EBF1: variants seen among roughly 807,000 people sequenced by gnomAD.
The protein encoded by EBF1 is EBF transcription factor 1, also known as transcription factor COE1.
A neutral mutation model predicts 68.4 loss-of-function variants in EBF1; 10 were observed. The ratio of observed to expected loss-of-function variants is 0.15; its 90% confidence interval spans 0.09 to 0.25. EBF1 has a LOEUF of 0.25. EBF1 is among the 10% of genes least tolerant of loss of function. The pLI is 1.00. For synonymous variants in EBF1, 298 were observed against 299.8 expected (o/e 0.99, Z 0.06); for missense variants, 509 against 794.4 (o/e 0.64, Z 4.32).
intron 6 of EBF1, among the ~76,000 whole-genome samples, chr5:158,918,608 A>C (rs547982976): frequency 7.9e-5 from 12 of 152,252 alleles, no homozygotes; most frequent in Non-Finnish European, 1.3e-4. Context: ...CACTGTGTGT[A>C]TAGTTAAGCC....
chr5:159,035,091 T>C (rs1295675967), intron 6 of EBF1, among the ~76,000 whole-genome samples: 3 of 151,960 alleles, frequency 2.0e-5, no homozygotes, highest in Non-Finnish European at 2.9e-5. Flanking sequence ...TATTGACTGA[T>C]TGAAGCCATC....
intron 6 of EBF1, among the ~76,000 whole-genome samples, chr5:158,869,008 T>G (rs1473678940): frequency 6.6e-6 from 1 of 152,182 alleles, no homozygotes; most frequent in Non-Finnish European, 1.5e-5. Context: ...ACTTTTCCTT[T>G]GGAATCATGA....
At chr5:158,876,792 C>T (rs1797895118) in intron 6 of EBF1, among the ~76,000 whole-genome samples, 2 of 152,164 alleles carry the variant, frequency 1.3e-5, no homozygotes, top group Admixed American at 6.5e-5. Flanking sequence ...TGATAGCCCC[C>T]TTTCGATTGT....
chr5:158,989,559 G>A (rs764309639), intron 6 of EBF1, among the ~76,000 whole-genome samples: 10 of 152,162 alleles, frequency 6.6e-5, no homozygotes, highest in South Asian at 2.1e-4. Context: ...GAAACCTGGC[G>A]GGGACACAGC....
In EBF1 at chr5:158,823,237, C is replaced by T; in HGVS notation, c.717G>A (p.Lys239=). The T allele has an allele frequency of 1.9e-6, 3 of 1,613,956 alleles. No homozygotes were observed. The East Asian group carries it at 6.7e-5, about 36-fold the overall frequency. Residue 239 remains lysine, a synonymous_variant, in exon 8 of 16, where the codon AAG becomes AAA. Transcript: ENST00000313708. ...SDNMFVHNNS[K]HGRRARRLDP... is the part of the protein sequence containing the mutation. ...CAAGCCTCCGAGCCCTCCGCCCATG[C>T]TTGGAATTATTATGGACAAACATGT...
intron 6 of EBF1, among the ~76,000 whole-genome samples, chr5:159,049,837 G>A (rs1016227094): frequency 2.0e-5 from 3 of 152,166 alleles, no homozygotes; most frequent in Non-Finnish European, 2.9e-5. Context: ...CTTGGGAGGG[G>A]TGCTTATCTG....
At chr5:159,006,647 T>TAAAAAAAAAAAAAAAAAAAAAA (rs36045942) in intron 6 of EBF1, among the ~76,000 whole-genome samples, 2 of 56,224 alleles carry the variant, frequency 3.6e-5, no homozygotes, top group African/African-American at 8.8e-5. Context: ...ATAGCCATGT[T>TAAAAAAAAAAAAAAAAAAAAAA]AAAAAAAAAA....
chr5:159,044,379 A>G (rs1421312456), intron 6 of EBF1, among the ~76,000 whole-genome samples: 3 of 152,182 alleles, frequency 2.0e-5, no homozygotes, highest in Admixed American at 6.5e-5. Flanking sequence ...TGTTGTTTTA[A>G]TCTACTAAAA....
chr5:158,825,105 TTC>T (rs1274587006), intron 7 of EBF1, among the ~76,000 whole-genome samples: 1 of 152,226 alleles, frequency 6.6e-6, no homozygotes, highest in African/African-American at 2.4e-5. Flanking sequence ...AGAGTGGTTC[TTC>T]TCTTTATTCA....
chr5:158,962,219 G>A (rs544667031), intron 6 of EBF1, among the ~76,000 whole-genome samples: 1 of 152,252 alleles, frequency 6.6e-6, no homozygotes, highest in South Asian at 2.1e-4. Flanking sequence ...CTTCTCAGAT[G>A]TTTTGAAAAT....
chr5:158,777,134 A>G (rs1194736487), intron 10 of EBF1, among the ~76,000 whole-genome samples: 2 of 152,156 alleles, frequency 1.3e-5, no homozygotes, highest in Non-Finnish European at 2.9e-5. Context: ...ACTCAGGACT[A>G]GCTACACCTC....
intron 9 of EBF1, among the ~76,000 whole-genome samples, chr5:158,782,493 TA>T (rs970766512): frequency 6.6e-6 from 1 of 151,508 alleles, no homozygotes; most frequent in Non-Finnish European, 1.5e-5. Context: ...ACCCTGTCTC[TA>T]CAAAAAAAAA....
intron 6 of EBF1, among the ~76,000 whole-genome samples, chr5:158,896,057 A>T (rs1374324466): frequency 6.6e-6 from 1 of 152,214 alleles, no homozygotes; most frequent in Non-Finnish European, 1.5e-5. Context: ...TTGAACAAGG[A>T]AAGGTTCTTT....
chr5:158,794,356 A>G (rs1779241924), intron 9 of EBF1, among the ~76,000 whole-genome samples: 1 of 152,188 alleles, frequency 6.6e-6, no homozygotes, highest in South Asian at 2.1e-4. Context: ...CAGATCCTTT[A>G]AAGCAATTTG....
intron 9 of EBF1, among the ~76,000 whole-genome samples, chr5:158,780,151 T>C (rs568003835): frequency 6.6e-6 from 1 of 152,318 alleles, no homozygotes; most frequent in Middle Eastern, 3.4e-3. Flanking sequence ...CAAAGAACTG[T>C]AGAATTTATT....
chr5:159,074,841 T>C (rs1389787670), intron 5 of EBF1, among the ~76,000 whole-genome samples: 1 of 152,218 alleles, frequency 6.6e-6, no homozygotes, highest in Non-Finnish European at 1.5e-5. Context: ...GGGAACTATT[T>C]CCTCCAGGCC....
At chr5:158,783,570 C>T (rs1227892574) in intron 9 of EBF1, among the ~76,000 whole-genome samples, 1 of 152,192 alleles carries the variant, frequency 6.6e-6, no homozygotes, top group Non-Finnish European at 1.5e-5. Context: ...TGTCAGCATG[C>T]CAGGGACCTG....
At chr5:159,062,881 A>C (rs2127882319) in intron 6 of EBF1, among the ~76,000 whole-genome samples, 1 of 152,360 alleles carries the variant, frequency 6.6e-6, no homozygotes, top group South Asian at 2.1e-4. Flanking sequence ...GATTTACTTG[A>C]TCAATTAAAC....
At chr5:158,968,097 A>T (rs916492672) in intron 6 of EBF1, among the ~76,000 whole-genome samples, 3 of 152,224 alleles carry the variant, frequency 2.0e-5, no homozygotes, top group Non-Finnish European at 2.9e-5. Flanking sequence ...TTGCAAAAAA[A>T]AATTATAAAT....
Sources: gnomAD v4.1 joint callset for allele counts (sites outside exome capture counted in the v4.1 genomes callset) on GRCh38, gnomAD v4.1.1 for gene constraint, MANE v1.5 for transcripts, NCBI Gene and HGNC (gene_info 2026-07-23, HGNC 2026-07-21) for gene names.